The following CUL4B variants were observed in gnomAD, a reference collection of about 807,000 sequenced individuals.
The protein encoded by CUL4B is cullin-4B.
A neutral mutation model predicts 69.2 loss-of-function variants in CUL4B; 1 was observed. The ratio of observed to expected loss-of-function variants is 0.01; its 90% CI spans 0.01 to 0.07. CUL4B has a LOEUF of 0.07. Ranked by LOEUF, CUL4B falls within the 10% of genes least tolerant of loss-of-function variation. CUL4B has a pLI of 1.00. For synonymous variants in CUL4B, 237 were observed against 223.2 expected, an observed-to-expected ratio of 1.06 and a Z score of -0.55; for missense variants, 328 against 638.8, an observed-to-expected ratio of 0.51 and a Z score of 5.24.
At chrX:120,555,470 TTTCAAACACTGCACTA>T (rs1256295098) in intron 2 of CUL4B, among the ~76,000 whole-genome samples, 1 of 111,627 alleles carries the variant, frequency 9.0e-6, no homozygotes, top group African/African-American at 3.3e-5. Flanking sequence ...AATTTAATTG[TTTCAAACACTGCACTA>T]CAGTGGTATT....
At chrX:120,528,549 C>T (rs1023931418) in intron 19 of CUL4B, among the ~76,000 whole-genome samples, 3 of 110,277 alleles carry the variant, frequency 2.7e-5, no homozygotes, top group African/African-American at 9.9e-5. Context: ...GGTAAAACCC[C>T]GTCTCTACTA....
chrX:120,528,413 A>G (rs898302642), intron 19 of CUL4B, among the ~76,000 whole-genome samples: 5 of 106,913 alleles, frequency 4.7e-5, no homozygotes, highest in Non-Finnish European at 9.6e-5. Context: ...CCATCTCAAA[A>G]AAAAAAAAAA....
upstream of CUL4B, among the ~76,000 whole-genome samples, chrX:120,563,187 C>T (rs1016584968): frequency 1.8e-5 from 2 of 111,899 alleles, no homozygotes; most frequent in African/African-American, 3.3e-5. Context: ...TGAAAGGAGA[C>T]AGATGGAAGC....
intron 16 of CUL4B, 55 bp downstream of exon 16, chrX:120,535,775 A>G: frequency 1.4e-6 from 1 of 704,098 alleles, no homozygotes; most frequent in East Asian, 3.3e-5. Context: ...AAGAAGGATG[A>G]CCTAAACATT....
intron 16 of CUL4B, among the ~76,000 whole-genome samples, chrX:120,534,984 C>T (rs1193448763): frequency 9.0e-6 from 1 of 111,727 alleles, no homozygotes; most frequent in Non-Finnish European, 1.9e-5. Flanking sequence ...ACACTGTTTC[C>T]CTTAACTCCC....
intron 2 of CUL4B, among the ~76,000 whole-genome samples, chrX:120,552,375 T>G (rs371556949): frequency 1.8e-5 from 2 of 112,747 alleles, no homozygotes; most frequent in African/African-American, 6.4e-5. Flanking sequence ...CTTGAATGCC[T>G]GACCTCAGGT....
upstream of CUL4B, among the ~76,000 whole-genome samples, chrX:120,566,364 T>G (rs1328470962): frequency 5.2e-5 from 3 of 57,560 alleles, no homozygotes; most frequent in African/African-American, 1.1e-4. Context: ...TATATATATA[T>G]ATATATATAT....
upstream of CUL4B, among the ~76,000 whole-genome samples, chrX:120,565,542 C>T (rs1421517479): frequency 9.6e-6 from 1 of 103,832 alleles, no homozygotes; most frequent in Non-Finnish European, 2.0e-5. Context: ...ATTAGCCAGG[C>T]CTGGTGGTGC....
chrX:120,571,737 A>G (rs998243166), exon 3 of CUL4B: 1 of 110,860 alleles, frequency 9.0e-6, no homozygotes. Context: ...CCATTTATAC[A>G]CATATTTTTT....
At chrX:120,571,009 CAG>C (rs1925693836), downstream of CUL4B, among the ~76,000 whole-genome samples, 1 of 76,222 alleles carries the variant, frequency 1.3e-5, no homozygotes, top group African/African-American at 5.5e-5. Flanking sequence ...CTGAGCAACA[CAG>C]GGAGATAACA....
Position 120,547,190 on chromosome X carries a change from T to C in CUL4B, c.722A>G (p.Gln241Arg). 8.3e-7 allele frequency: 1 copy of C among 1,207,310 alleles called. No homozygotes were observed. Among genetic ancestry groups the C allele is most frequent in the Non-Finnish European group, 1.1e-6 (1 of 891,669 alleles). Residue 241 changes from glutamine to arginine, a missense_variant, in exon 3 of 20, where the codon CAG becomes CGG. Coordinates refer to ENST00000371322, the MANE Select transcript of CUL4B (RefSeq NM_001079872.2). ...GTGATCTTCGCAGATCTGTCTCAGC[T>C]GTTTGTACAAGTTTGCAGAAATCTT... is the stretch of plus-strand genomic sequence containing the variant. ...SYKISANLYK[Q>R]LRQICEDHIK... is the part of the protein sequence containing the mutation.
At chrX:120,558,820 G>A (rs977168607) in intron 1 of CUL4B, among the ~76,000 whole-genome samples, 4 of 111,365 alleles carry the variant, frequency 3.6e-5, no homozygotes, top group Non-Finnish European at 5.7e-5. Context: ...TTAGGAGGGA[G>A]AGAAAAAAAT....
rs767178271 is a variant in CUL4B, at chrX:120,532,607, C to CAG, written c.2267-15_2267-14dup. On this transcript the variant is annotated splice_polypyrimidine_tract_variant and intron_variant, in intron 17 of 19. Coordinates refer to ENST00000371322, the MANE Select transcript of CUL4B (RefSeq NM_001079872.2). ...AACTCTCCATCCTCTGAAGAAGAAA[C>CAG]AGAGGTTTAGTTATTTGTTACCAGC... The CAG allele has an allele frequency of 1.1e-5, 13 of 1,193,182 alleles. No individual in the cohort carries two copies. Among genetic ancestry groups the CAG allele is most frequent in the Non-Finnish European group, 1.5e-5 (13 of 882,492 alleles).
intron 10 of CUL4B, 131 bp downstream of exon 10, chrX:120,541,471 C>T (rs2048346409): frequency 1.9e-6 from 1 of 527,678 alleles, no homozygotes; most frequent in African/African-American, 2.3e-5. Context: ...CGCACTCCAG[C>T]CTGGGTGACG....
chrX:120,574,526 G>A (rs1925811553), intron 2 of CUL4B: 1 of 1,163,483 alleles, frequency 8.6e-7, no homozygotes, highest in Non-Finnish European at 1.2e-6. Flanking sequence ...CTTAACTCTT[G>A]AGTTTTACTA....
At chrX:120,544,019 G>A (rs1602579120) in intron 7 of CUL4B, 95 bp downstream of exon 7, 2 of 623,940 alleles carry the variant, frequency 3.2e-6, no homozygotes, top group East Asian at 6.8e-5. Flanking sequence ...GCATCACAAT[G>A]TTGGGAAGAT....
rs769875122 is a variant in CUL4B, at chrX:120,524,406, T to A, written c.*2355A>T. Among the ~76,000 whole-genome samples, 1 of 111,833 alleles carries A rather than the reference T, an allele frequency of 8.9e-6. No individual in the cohort carries two copies. Among genetic ancestry groups the A allele is most frequent in the African/African-American group, 3.2e-5 (1 of 30,881 alleles). On this transcript the variant is annotated 3_prime_UTR_variant, in exon 20 of 20. Coordinates refer to ENST00000371322, the MANE Select transcript of CUL4B (RefSeq NM_001079872.2). Reference sequence around the variant, plus strand: ...AAGAATAATTATCCACCTTGAGGATTCCTGGGAATTTTCCTCACCCTGTTA... The same window carrying A: ...AAGAATAATTATCCACCTTGAGGATACCTGGGAATTTTCCTCACCCTGTTA...
upstream of CUL4B, chrX:120,561,172 G>T: frequency 2.5e-6 from 2 of 786,541 alleles, no homozygotes; most frequent in Non-Finnish European, 1.8e-6. Context: ...CAGCCGCCCG[G>T]GGGGCGGGGG....
At chrX:120,564,145 A>C (rs1397924888), upstream of CUL4B, among the ~76,000 whole-genome samples, 2 of 111,678 alleles carry the variant, frequency 1.8e-5, no homozygotes, top group African/African-American at 6.5e-5. Flanking sequence ...TCCACTAAAA[A>C]TACAAAAATG....
Sources: allele counts gnomAD v4.1 joint callset (sites outside exome capture counted in the v4.1 genomes callset), GRCh38; gene constraint gnomAD v4.1.1; transcripts MANE v1.5; gene names NCBI Gene and HGNC (gene_info 2026-07-23, HGNC 2026-07-21).